ZNF407: variants seen among roughly 807,000 people sequenced by gnomAD.
ZNF407 encodes zinc finger protein 407.
ZNF407 carries 17 observed loss-of-function variants against 131.2 expected under a neutral mutation model. The ratio of observed to expected loss-of-function variants is 0.13; its 90% CI spans 0.09 to 0.19. ZNF407 has a LOEUF of 0.19. Ranked by LOEUF, ZNF407 falls within the 10% of genes least tolerant of loss-of-function variation. ZNF407 has a pLI of 1.00. For missense variants in ZNF407, 2,681 were observed against 2,830.6 expected, an observed-to-expected ratio of 0.95 and a Z score of 1.20; for synonymous variants, 1,156 against 1,062.0, an observed-to-expected ratio of 1.09 and a Z score of -1.72.
At chr18:74,657,317 T>C (rs1599046179) in intron 3 of ZNF407, among the ~76,000 whole-genome samples, 1 of 152,320 alleles carries the variant, frequency 6.6e-6, no homozygotes, top group Middle Eastern at 3.4e-3. Context: ...GAGTCTTAAA[T>C]AGATTTAAAA....
chr18:74,968,442 A>G (rs1415303745), intron 8 of ZNF407, among the ~76,000 whole-genome samples: 1 of 152,104 alleles, frequency 6.6e-6, no homozygotes, highest in Non-Finnish European at 1.5e-5. Flanking sequence ...TTCTTTTGTC[A>G]TTTCTTGTGT....
At chr18:74,789,824 T>C (rs17821275) in intron 4 of ZNF407, among the ~76,000 whole-genome samples, 25,952 of 151,154 alleles carry the variant, frequency 0.17, 2,590 homozygotes, top group Non-Finnish European at 0.23. Flanking sequence ...TGTTTTATTT[T>C]GTTAAAATCT....
intron 3 of ZNF407, among the ~76,000 whole-genome samples, chr18:74,718,671 T>A (rs2144863953): frequency 6.6e-6 from 1 of 152,252 alleles, no homozygotes; most frequent in East Asian, 1.9e-4. Context: ...TTTGTTAAAT[T>A]TATTTTTGCA....
At chr18:74,757,909 T>G (rs1257277642) in intron 3 of ZNF407, among the ~76,000 whole-genome samples, 2 of 152,170 alleles carry the variant, frequency 1.3e-5, no homozygotes, top group Non-Finnish European at 2.9e-5. Context: ...GTAACAATCT[T>G]CCTTTTAACA....
chr18:74,612,834 T>C (rs1457684228), intron 1 of ZNF407, among the ~76,000 whole-genome samples: 1 of 152,146 alleles, frequency 6.6e-6, no homozygotes, highest in African/African-American at 2.4e-5. Flanking sequence ...GTCACTGCCA[T>C]GCAGGGTCAG....
At chr18:74,849,526 G>A (rs149705840) in intron 4 of ZNF407, among the ~76,000 whole-genome samples, 1,628 of 152,254 alleles carry the variant, frequency 0.011, 13 homozygotes, top group Middle Eastern at 0.034. Flanking sequence ...TGTGGTCAGG[G>A]GTGGGGGACG....
At chr18:74,630,392 C>T (rs1427145953) in intron 1 of ZNF407, among the ~76,000 whole-genome samples, 1 of 152,014 alleles carries the variant, frequency 6.6e-6, no homozygotes, top group Non-Finnish European at 1.5e-5. Flanking sequence ...AGGATGGTCT[C>T]GATCTCCTGA....
chr18:74,909,110 A>G lies in ZNF407; in HGVS notation c.5250-11404A>G, dbSNP rs925985427. Among the ~76,000 whole-genome samples the G allele has an allele frequency of 7.6e-5, 7 of 92,482 alleles. No individual in the cohort carries two copies. The Admixed American group carries it at 1.1e-3, about 14-fold the overall frequency. The allele number at this position is 92,482 out of a possible 152,430, so 60.7% of individuals were successfully genotyped here. A position where few individuals can be genotyped will look rare whatever the true frequency, so the allele number is the denominator to read the frequency against. On this transcript the variant is annotated intron_variant, in intron 7 of 8. Coordinates refer to ENST00000299687, the MANE Select transcript of ZNF407 (RefSeq NM_017757.3). ...TTGTGGATGTGAGTTTTTAAAGTAT[A>G]CTATAAACAGGCCAAAAAAAAAAGA...
intron 1 of ZNF407, among the ~76,000 whole-genome samples, chr18:74,630,354 G>A (rs568932921): frequency 6.6e-6 from 1 of 152,064 alleles, no homozygotes; most frequent in Non-Finnish European, 1.5e-5. Flanking sequence ...TGTATTTTTA[G>A]TAGCGACAGG....
At chr18:74,811,675 C>A (rs963357697) in intron 4 of ZNF407, among the ~76,000 whole-genome samples, 1 of 151,580 alleles carries the variant, frequency 6.6e-6, no homozygotes, top group Admixed American at 6.6e-5. Context: ...ACATATACAC[C>A]ATGGAATACT....
chr18:74,949,151 G>A (rs1385209050), intron 8 of ZNF407, among the ~76,000 whole-genome samples: 1 of 152,242 alleles, frequency 6.6e-6, no homozygotes, highest in Non-Finnish European at 1.5e-5. Context: ...GATATTTTCA[G>A]TAGGTACATT....
intron 3 of ZNF407, among the ~76,000 whole-genome samples, chr18:74,763,795 T>C (rs1008878965): frequency 1.8e-4 from 26 of 147,142 alleles, no homozygotes; most frequent in Middle Eastern, 7.1e-3. Flanking sequence ...CTGCAAGCTC[T>C]GCCTCCCGGG....
At chr18:74,733,837 T>A (rs1388348257) in intron 3 of ZNF407, among the ~76,000 whole-genome samples, 1 of 152,242 alleles carries the variant, frequency 6.6e-6, no homozygotes, top group African/African-American at 2.4e-5. Flanking sequence ...ATCCTGCAGT[T>A]GAGCAGTGGT....
intron 4 of ZNF407, among the ~76,000 whole-genome samples, chr18:74,874,498 G>A (rs903285579): frequency 7.2e-5 from 11 of 152,166 alleles, no homozygotes; most frequent in Non-Finnish European, 4.4e-5. Context: ...TCTCCTTGGG[G>A]GGTGGCAGGC....
rs527888843 is a variant in ZNF407, at chr18:74,864,804, G to A, written c.4878-12393G>A. 5.9e-5 allele frequency among the ~76,000 whole-genome samples: 9 copies of A among 152,280 alleles called. No homozygotes were observed. In the South Asian group the frequency reaches 6.2e-4, roughly 11 times the overall value. ...ATCACAATAAGATGAGGATGCTTGC[G>A]TAATGTAGAAAATACAAGTGAAATC... On this transcript the variant is annotated intron_variant, in intron 4 of 8. Coordinates refer to ENST00000299687, the MANE Select transcript of ZNF407 (RefSeq NM_017757.3).
chr18:75,048,075 A>C lies in ZNF407; in HGVS notation c.5429-15075A>C, dbSNP rs755503593. On this transcript the variant is annotated intron_variant, in intron 8 of 8. Coordinates refer to ENST00000299687, the MANE Select transcript of ZNF407 (RefSeq NM_017757.3). The surrounding 1 kb of genome is among the most constrained non-coding windows in gnomAD (Gnocchi z 4.1). ...TAGAATATGGCACGTGTTGGTATTCATAACTCGTTAACCACGTGCTCAAGA... is the reference window on the plus strand; with the variant it reads ...TAGAATATGGCACGTGTTGGTATTCCTAACTCGTTAACCACGTGCTCAAGA... 3.9e-5 allele frequency among the ~76,000 whole-genome samples: 6 copies of C among 152,194 alleles called. No homozygotes were observed. The highest frequency in any genetic ancestry group is 8.8e-5 in the Non-Finnish European group (6 of 68,036).
chr18:74,912,420 A>G (rs372805221), intron 7 of ZNF407, among the ~76,000 whole-genome samples: 5 of 152,124 alleles, frequency 3.3e-5, no homozygotes, highest in African/African-American at 4.8e-5. Context: ...ACGTCCTGCT[A>G]CCTGGTTCAT....
chr18:74,755,311 G>A (rs560027520), intron 3 of ZNF407, among the ~76,000 whole-genome samples: 5 of 152,110 alleles, frequency 3.3e-5, no homozygotes, highest in Non-Finnish European at 7.4e-5. Context: ...TTGCCCGTCT[G>A]TGTCTTTTAA....
At chr18:74,773,403 C>T (rs12968417) in intron 3 of ZNF407, among the ~76,000 whole-genome samples, 1 of 125,516 alleles carries the variant, frequency 8.0e-6, no homozygotes, top group Non-Finnish European at 1.6e-5. Flanking sequence ...ACAATAGTAT[C>T]AAAGAAGAAG....
Sources: gnomAD v4.1 joint callset for allele counts (sites outside exome capture counted in the v4.1 genomes callset) on GRCh38, gnomAD v4.1.1 for gene constraint, Gnocchi (gnomAD v3.1) non-coding constraint, MANE v1.5 for transcripts, NCBI Gene and HGNC (gene_info 2026-07-23, HGNC 2026-07-21) for gene names.